Variants in LINGO2 observed in about 807,000 individuals in gnomAD.
LINGO2 encodes the protein leucine-rich repeat and immunoglobulin-like domain-containing nogo receptor-interacting protein 2.
In LINGO2, 14 loss-of-function variants were observed where a neutral mutation model predicts 30.6. The observed-to-expected ratio is 0.46, with a 90% CI of 0.30 to 0.72. The LOEUF (loss-of-function observed/expected upper bound fraction) is 0.72. Ranked by LOEUF, LINGO2 falls within the 30% of genes least tolerant of loss-of-function variation. The pLI is 0.07. For missense variants in LINGO2, 729 were observed against 751.7 expected, an observed-to-expected ratio of 0.97 and a Z score of 0.35; for synonymous variants, 317 against 288.5, an observed-to-expected ratio of 1.10 and a Z score of -1.00.
the LINGO2 span, among the ~76,000 whole-genome samples, chr9:29,033,309 GA>G: frequency 2.7e-5 from 4 of 150,750 alleles, no homozygotes; most frequent in Non-Finnish European, 5.9e-5. Flanking sequence ...ATGTGAAACA[GA>G]AAAACATAGG....
At chr9:28,881,071 A>G in the LINGO2 span, among the ~76,000 whole-genome samples, 1 of 152,252 alleles carries the variant, frequency 6.6e-6, no homozygotes, top group East Asian at 1.9e-4. Context: ...AGGCCGGTGC[A>G]GGTCTTTAGT....
the LINGO2 span, among the ~76,000 whole-genome samples, chr9:28,728,246 C>G: frequency 3.3e-5 from 5 of 152,120 alleles, no homozygotes; most frequent in Admixed American, 6.6e-5. Context: ...ACAACCCCCT[C>G]CCCTTCACTG....
chr9:29,084,748 T>G, the LINGO2 span, among the ~76,000 whole-genome samples: 3 of 152,126 alleles, frequency 2.0e-5, no homozygotes, highest in Non-Finnish European at 4.4e-5. Flanking sequence ...AACACCTCTC[T>G]TCTGTAATAC....
chr9:28,601,902 A>G lies in LINGO2; in HGVS notation c.-365+68298T>C, dbSNP rs530487299. Among the ~76,000 whole-genome samples, 54 of 152,244 alleles carry G rather than the reference A, an allele frequency of 3.5e-4. No individual in the cohort carries two copies. In the South Asian group the frequency reaches 0.011, roughly 32 times the overall value. On this transcript the variant is annotated intron_variant, in intron 1 of 5. Coordinates refer to ENST00000379992, the Ensembl canonical transcript of LINGO2. ...TGAAAAAAGGCAGATTGAGAGTACC[A>G]AAATAACAGCTGGAAGTGTGAGAAG...
intron 2 of LINGO2, among the ~76,000 whole-genome samples, chr9:28,373,769 G>A (rs962868941): frequency 6.6e-6 from 1 of 151,828 alleles, no homozygotes; most frequent in Non-Finnish European, 1.5e-5. Flanking sequence ...GCATGGTGGC[G>A]TGCGCCTGTA....
chr9:28,577,248 C>A (rs140252905), intron 1 of LINGO2, among the ~76,000 whole-genome samples: 1 of 152,242 alleles, frequency 6.6e-6, no homozygotes, highest in Non-Finnish European at 1.5e-5. Flanking sequence ...CCTAGTCACT[C>A]CTTTAAGTAA....
At chr9:28,028,145 T>C (rs1182747187) in intron 4 of LINGO2, among the ~76,000 whole-genome samples, 1 of 152,196 alleles carries the variant, frequency 6.6e-6, no homozygotes, top group Non-Finnish European at 1.5e-5. Context: ...ACTTCTGTTA[T>C]TGACTCTCTT....
intron 2 of LINGO2, among the ~76,000 whole-genome samples, chr9:28,397,543 C>CTTTTTTTTT (rs386414751): frequency 5.5e-5 from 6 of 110,026 alleles, no homozygotes; most frequent in Non-Finnish European, 7.2e-5. Context: ...CAATAGATGT[C>CTTTTTTTTT]TTTTTTTTTT....
intron 2 of LINGO2, among the ~76,000 whole-genome samples, chr9:28,376,342 C>T (rs752200590): frequency 7.2e-5 from 11 of 152,094 alleles, no homozygotes; most frequent in Non-Finnish European, 1.3e-4. Context: ...CCATGGTTCC[C>T]CACTAATCTT....
chr9:28,193,599 A>G (rs1019280322), intron 4 of LINGO2, among the ~76,000 whole-genome samples: 3 of 152,164 alleles, frequency 2.0e-5, no homozygotes, highest in African/African-American at 7.2e-5. Context: ...GTTTTAGGGG[A>G]AAAAAGGTAA....
intron 1 of LINGO2, among the ~76,000 whole-genome samples, chr9:28,556,947 T>C (rs1479409382): frequency 2.0e-5 from 3 of 152,064 alleles, no homozygotes; most frequent in Admixed American, 6.6e-5. Flanking sequence ...TAGCCATATG[T>C]AGAAAGCTGA....
chr9:28,829,751 G>A, the LINGO2 span, among the ~76,000 whole-genome samples: 1 of 152,142 alleles, frequency 6.6e-6, no homozygotes, highest in Non-Finnish European at 1.5e-5. Context: ...CTAGCTGGGT[G>A]TGGTGGCAGA....
chr9:29,107,738 T>A, the LINGO2 span, among the ~76,000 whole-genome samples: 3 of 152,068 alleles, frequency 2.0e-5, no homozygotes, highest in African/African-American at 7.2e-5. Context: ...TTGCCAATAG[T>A]TCATCTCAAG....
At chr9:28,239,523 G>A (rs2133966908) in intron 4 of LINGO2, among the ~76,000 whole-genome samples, 1 of 152,184 alleles carries the variant, frequency 6.6e-6, no homozygotes, top group South Asian at 2.1e-4. Context: ...CCAACAGAAT[G>A]AAGGACAAAA....
intron 4 of LINGO2, among the ~76,000 whole-genome samples, chr9:28,138,367 G>T (rs943222262): frequency 6.6e-6 from 1 of 152,186 alleles, no homozygotes; most frequent in Non-Finnish European, 1.5e-5. Flanking sequence ...TACATGTATG[G>T]AATACGGGAG....
intron 4 of LINGO2, among the ~76,000 whole-genome samples, chr9:28,037,888 A>C (rs956088864): frequency 7.2e-5 from 11 of 152,202 alleles, no homozygotes; most frequent in Admixed American, 5.2e-4. Context: ...CCTTTACCTG[A>C]AGTAACTCAT....
At chr9:28,637,625 C>G (rs2135915820) in intron 1 of LINGO2, among the ~76,000 whole-genome samples, 1 of 152,222 alleles carries the variant, frequency 6.6e-6, no homozygotes, top group African/African-American at 2.4e-5. Flanking sequence ...CTCTGTTTAT[C>G]TGTTATTGGT....
intron 1 of LINGO2, among the ~76,000 whole-genome samples, chr9:28,662,734 A>G (rs1266050452): frequency 1.3e-5 from 2 of 152,148 alleles, no homozygotes; most frequent in Non-Finnish European, 2.9e-5. Context: ...TAAATATTGC[A>G]AAGTACTTAA....
chr9:28,947,247 C>T, the LINGO2 span, among the ~76,000 whole-genome samples: 15 of 151,988 alleles, frequency 9.9e-5, no homozygotes, highest in East Asian at 2.5e-3. Flanking sequence ...ATAAACATTT[C>T]GTTAATTACA....
Sources: allele counts gnomAD v4.1 joint callset (sites outside exome capture counted in the v4.1 genomes callset), GRCh38; gene constraint gnomAD v4.1.1; transcripts MANE v1.5; gene names NCBI Gene and HGNC (gene_info 2026-07-23, HGNC 2026-07-21).